TAB2: variants seen among roughly 807,000 people sequenced by gnomAD.
TAB2 encodes TGF-beta activated kinase 1 (MAP3K7) binding protein 2, also known as TGF-beta-activated kinase 1 and MAP3K7-binding protein 2.
A neutral mutation model predicts 65.0 loss-of-function variants in TAB2; 3 were observed. That is an observed-to-expected ratio of 0.05 (90% confidence interval 0.02 to 0.12). TAB2 has a LOEUF of 0.12. Among genes scored for constraint, TAB2 ranks in the 10% least tolerant of loss-of-function variants. The pLI is 1.00. For missense variants in TAB2, 623 were observed against 840.3 expected (o/e 0.74, Z 3.20); for synonymous variants, 298 against 285.1 (o/e 1.05, Z -0.46).
intron 1 of TAB2, among the ~76,000 whole-genome samples, chr6:149,296,683 T>C (rs1179093354): frequency 6.6e-6 from 1 of 152,204 alleles, no homozygotes; most frequent in African/African-American, 2.4e-5. Flanking sequence ...GGAGAACCAA[T>C]ATGTATTGAG....
chr6:149,378,653 A>C lies in TAB2; in HGVS notation c.738A>C (p.Gln246His), dbSNP rs1583140086. Reference protein sequence around the residue: ...VSQFNPMNPQQVYQPSQPGPW... With the variant: ...VSQFNPMNPQHVYQPSQPGPW... ...AGTTTAATCCCATGAACCCTCAGCA[A>C]GTTTATCAGCCTTCACAGCCTGGTC... The change falls in exon 3 of 7, where the codon CAA becomes CAC. Residue 246 changes from glutamine to histidine, a missense_variant. Transcript: ENST00000637181. 2.5e-6 allele frequency: 4 copies of C among 1,613,524 alleles called. No individual in the cohort carries two copies. Among genetic ancestry groups the C allele is most frequent in the Non-Finnish European group, 3.4e-6 (4 of 1,180,022 alleles).
intron 1 of TAB2, among the ~76,000 whole-genome samples, chr6:149,298,630 C>T (rs959668015): frequency 1.3e-5 from 2 of 152,152 alleles, no homozygotes; most frequent in Non-Finnish European, 2.9e-5. Flanking sequence ...AAAGACTCCA[C>T]TATTTACTAC....
chr6:149,367,299 G>T (rs1467766650), intron 1 of TAB2, among the ~76,000 whole-genome samples: 1 of 152,138 alleles, frequency 6.6e-6, no homozygotes. Context: ...CTGAAGAAGT[G>T]ACATTTGATC....
Position 149,258,712 on chromosome 6 carries a change from C to A in TAB2, c.-121+39936C>A, listed in dbSNP as rs181574365. On this transcript the variant is annotated intron_variant, in intron 1 of 1. Coordinates refer to the TAB2 transcript ENST00000606202. ...ATTACCATATGCCTATATAGTATAT[C>A]AGCAGATTAGTTTCTCTCCCTTCCC... 7.2e-5 allele frequency among the ~76,000 whole-genome samples: 11 copies of A among 152,328 alleles called. No homozygotes were observed. In the East Asian group the frequency reaches 1.7e-3, roughly 24 times the overall value.
rs748367877 is a variant in TAB2 at position 149,379,525 on chromosome 6, T to A, written c.1603+7T>A. 1 of 1,613,878 alleles carries A rather than the reference T, an allele frequency of 6.2e-7. No homozygotes were observed. The highest frequency in any genetic ancestry group is 8.5e-7 in the Non-Finnish European group (1 of 1,179,944). ...GATGCTGCCTACACACAAGGTAATA[T>A]GAATACTAAAGGTGGGATGGTTTTC... On this transcript the variant is annotated splice_region_variant and intron_variant, in intron 3 of 6. Transcript: ENST00000637181.
chr6:149,249,438 ATCTCTGTCTC>A (rs998345461), intron 1 of TAB2, among the ~76,000 whole-genome samples: 1 of 150,206 alleles, frequency 6.7e-6, no homozygotes, highest in East Asian at 2.0e-4. Context: ...CTGTCTCTCC[ATCTCTGTCTC>A]TCTCTGTCTC....
chr6:149,255,309 CATCTTG>C, intron 1 of TAB2: 1 of 152,386 alleles, frequency 6.6e-6, no homozygotes, highest in East Asian at 1.9e-4. Context: ...AATCTGCCTG[CATCTTG>C]ATCTTGAACC....
chr6:149,325,560 T>G (rs1310893133), intron 1 of TAB2, among the ~76,000 whole-genome samples: 1 of 152,182 alleles, frequency 6.6e-6, no homozygotes. Flanking sequence ...CCTGTTCCTG[T>G]GGGAAAAGCT....
At chr6:149,409,099 A>G (rs1167427613) in intron 6 of TAB2, among the ~76,000 whole-genome samples, 10 of 152,186 alleles carry the variant, frequency 6.6e-5, no homozygotes, top group Admixed American at 4.6e-4. Flanking sequence ...TATTTGTGTC[A>G]TCCAAGGCTT....
At chr6:149,228,267 G>C (rs1777326051) in intron 1 of TAB2, among the ~76,000 whole-genome samples, 1 of 152,180 alleles carries the variant, frequency 6.6e-6, no homozygotes, top group African/African-American at 2.4e-5. Flanking sequence ...AATTACAAAT[G>C]TATAAATTAT....
intron 3 of TAB2, among the ~76,000 whole-genome samples, chr6:149,385,688 C>A (rs1781768751): frequency 6.6e-6 from 1 of 152,242 alleles, no homozygotes; most frequent in South Asian, 2.1e-4. Flanking sequence ...CAAAGGTTAT[C>A]CAGTCCACGT....
At chr6:149,260,455 A>T (rs931742497) in intron 1 of TAB2, among the ~76,000 whole-genome samples, 6 of 151,550 alleles carry the variant, frequency 4.0e-5, no homozygotes, top group African/African-American at 1.5e-4. Flanking sequence ...GTCTGCTATC[A>T]CTCCTTATAC....
At chr6:149,346,684 C>T (rs1158367183) in intron 1 of TAB2, 1 of 151,994 alleles carries the variant, frequency 6.6e-6, no homozygotes, top group Admixed American at 6.6e-5. Context: ...GAACTCCTGA[C>T]CTCAGGTGAT....
rs1161371872 is a variant in TAB2 at position 149,285,067 on chromosome 6, C to T, written c.-121+66291C>T. Among the ~76,000 whole-genome samples the T allele has an allele frequency of 3.3e-5, 5 of 152,262 alleles. No individual in the cohort carries two copies. The South Asian group carries it at 6.2e-4, about 19-fold the overall frequency. On this transcript the variant is annotated intron_variant, in intron 1 of 1. Coordinates refer to the TAB2 transcript ENST00000606202. The stretch of plus-strand genomic sequence containing the variant: ...TACATACACATGCTTTGGGATCCCA[C>T]GATCTGGTTTCTGTTCAGCCACTGA...
intron 1 of TAB2, among the ~76,000 whole-genome samples, chr6:149,226,028 C>T (rs894193125): frequency 3.3e-5 from 5 of 151,892 alleles, no homozygotes; most frequent in Admixed American, 1.3e-4. Context: ...AGCTCTGAAG[C>T]GAAACAAGGG....
chr6:149,398,010 C>G lies in TAB2; in HGVS notation c.1806C>G (p.Leu602=). The change falls in exon 5 of 7, where the codon CTC becomes CTG. Residue 602 remains leucine, a synonymous_variant. Coordinates refer to ENST00000637181, the MANE Select transcript of TAB2 (RefSeq NM_001292034.3). ...MQQLRSCNRQ[L]QIDIDCLTKE... is the part of the protein sequence containing the mutation. The stretch of plus-strand genomic sequence containing the variant: ...AGCTGAGAAGTTGTAATAGACAACT[C>G]CAGATTGACATTGACTGCTTAACCA... 1 of 1,613,802 alleles carries G rather than the reference C, an allele frequency of 6.2e-7. No homozygotes were observed. Among genetic ancestry groups the G allele is most frequent in the Non-Finnish European group, 8.5e-7 (1 of 1,179,926 alleles).
In TAB2 at chr6:149,398,264, G is replaced by A. The variant is rs628488; in HGVS notation, c.1858+202G>A. Among the ~76,000 whole-genome samples the A allele has an allele frequency of 0.36, 54,457 of 152,008 alleles. 10,092 individuals are homozygous for A. The highest frequency in any genetic ancestry group is 0.6 in the East Asian group (3,115 of 5,182). Reference sequence around the variant, plus strand: ...CTTAACTGATAAAATATAGAAGATAGTAAAAATAAGGTTTATACATTCTTT... The same window carrying A: ...CTTAACTGATAAAATATAGAAGATAATAAAAATAAGGTTTATACATTCTTT... On this transcript the variant is annotated intron_variant, in intron 5 of 6. Coordinates refer to ENST00000637181, the MANE Select transcript of TAB2 (RefSeq NM_001292034.3).
At position 149,411,424 on chromosome 6, in the gene TAB2, A is replaced by T. The variant is rs1270095728; in HGVS notation, c.*1705A>T. On this transcript the variant is annotated 3_prime_UTR_variant, in exon 7 of 7. Transcript: ENST00000637181. The stretch of plus-strand genomic sequence containing the variant: ...CTTACGTTTGATGCAATTTATTTTT[A>T]AAATAGGCCTTGTTTTTCAGCTTCA... 1 of 152,630 alleles carries T rather than the reference A, an allele frequency of 6.6e-6. No homozygotes were observed. Among genetic ancestry groups the T allele is most frequent in the Non-Finnish European group, 1.5e-5 (1 of 68,036 alleles). The allele number at this position is 152,630 out of a possible 1,614,324, so 9.5% of individuals were successfully genotyped here.
chr6:149,282,469 C>A (rs925066072), intron 1 of TAB2, among the ~76,000 whole-genome samples: 1 of 151,976 alleles, frequency 6.6e-6, no homozygotes, highest in Non-Finnish European at 1.5e-5. Flanking sequence ...ATAGAACATT[C>A]TCCCCAAACA....
Sources: gnomAD v4.1 joint callset for allele counts (sites outside exome capture counted in the v4.1 genomes callset) on GRCh38, gnomAD v4.1.1 for gene constraint, MANE v1.5 for transcripts, NCBI Gene and HGNC (gene_info 2026-07-23, HGNC 2026-07-21) for gene names.